DIAPH2: variants seen among roughly 807,000 people sequenced by gnomAD.
DIAPH2 encodes the protein protein diaphanous homolog 2.
DIAPH2 carries 35 observed loss-of-function variants against 92.7 expected under a neutral mutation model. The ratio of observed to expected loss-of-function variants is 0.38; its 90% CI spans 0.29 to 0.50. The LOEUF (loss-of-function observed/expected upper bound fraction) is 0.50, where lower values mean the gene tolerates loss of function less well. DIAPH2 is among the 20% of genes least tolerant of loss of function. The probability of loss-of-function intolerance (pLI) is 0.94; values close to 1 mark genes in which losing one functional copy is unlikely to be tolerated. For synonymous variants in DIAPH2, 301 were observed against 280.4 expected (o/e 1.07, Z -0.73); for missense variants, 701 against 819.5 (o/e 0.86, Z 1.77).
At chrX:97,259,222 G>A (rs1042804869) in intron 23 of DIAPH2, among the ~76,000 whole-genome samples, 5 of 109,929 alleles carry the variant, frequency 4.5e-5, no homozygotes, top group Non-Finnish European at 9.5e-5. Context: ...AGCTACTCAA[G>A]AGGCTGAGGC....
At chrX:97,526,650 A>G (rs2071026504) in intron 26 of DIAPH2, among the ~76,000 whole-genome samples, 1 of 111,266 alleles carries the variant, frequency 9.0e-6, no homozygotes, top group African/African-American at 3.3e-5. Flanking sequence ...CCTAAGTTCA[A>G]ACTCTGAGTC....
chrX:97,296,510 C>G (rs1033400713), intron 23 of DIAPH2, among the ~76,000 whole-genome samples: 1 of 111,651 alleles, frequency 9.0e-6, no homozygotes. Flanking sequence ...CTTGTTTTCC[C>G]TCTGAGATCT....
intron 4 of DIAPH2, among the ~76,000 whole-genome samples, chrX:96,770,593 A>G (rs999558823): frequency 2.7e-5 from 3 of 111,997 alleles, no homozygotes; most frequent in African/African-American, 9.7e-5. Context: ...TTGTATTCCA[A>G]TTTGATTTTT....
chrX:97,256,822 G>T (rs1156964214), intron 23 of DIAPH2, among the ~76,000 whole-genome samples: 2 of 110,834 alleles, frequency 1.8e-5, no homozygotes, highest in Non-Finnish European at 3.8e-5. Flanking sequence ...ATACCAACAT[G>T]CCTGGCTAAT....
At chrX:97,150,947 G>T (rs1356770600) in intron 22 of DIAPH2, among the ~76,000 whole-genome samples, 1 of 111,612 alleles carries the variant, frequency 9.0e-6, no homozygotes, top group African/African-American at 3.3e-5. Context: ...AAATTTTCTG[G>T]GTGCTTGGAG....
chrX:96,984,788 G>A (rs1158497379), intron 17 of DIAPH2, among the ~76,000 whole-genome samples: 3 of 111,717 alleles, frequency 2.7e-5, no homozygotes, highest in Non-Finnish European at 5.7e-5. Flanking sequence ...AAATTCAGCT[G>A]TTTATTTAAA....
chrX:97,562,065 A>G (rs754644685), intron 26 of DIAPH2, among the ~76,000 whole-genome samples: 3 of 112,079 alleles, frequency 2.7e-5, no homozygotes, highest in Non-Finnish European at 3.8e-5. Context: ...ATAAAACTGT[A>G]TAGTTACCTG....
intron 17 of DIAPH2, among the ~76,000 whole-genome samples, chrX:96,991,537 G>GTC (rs760118984): frequency 0.53 from 30,107 of 56,656 alleles, 4,575 homozygotes; most frequent in South Asian, 0.72. Flanking sequence ...CTGTTTTATG[G>GTC]TGTTTTTTTT....
At position 97,599,274 on chromosome X, in the gene DIAPH2, A is replaced by G. The variant is rs751243233; in HGVS notation, c.3263A>G (p.Glu1088Gly). The G allele has an allele frequency of 8.4e-7, 1 of 1,195,695 alleles. No individual in the cohort carries two copies. Among genetic ancestry groups the G allele is most frequent in the Non-Finnish European group, 1.1e-6 (1 of 884,652 alleles). Residue 1088 changes from glutamate (E) to glycine (G), a missense_variant, in exon 27 of 27, where the codon GAA becomes GGA. This residue lies in a region of DIAPH2 where 536 missense variants were observed against 599.3 expected (regional missense o/e 0.89). Transcript: ENST00000324765. ...ACAGATAACAGACGAGTACCTTTGG[A>G]AAGGTCACGCTCTCGCCACAATGGA... The part of the protein sequence containing the change: ...RNPDNRRVPL[E>G]RSRSRHNGAI...
intron 12 of DIAPH2, among the ~76,000 whole-genome samples, chrX:96,941,784 T>A (rs2065706275): frequency 9.1e-6 from 1 of 109,633 alleles, no homozygotes; most frequent in African/African-American, 3.3e-5. Context: ...CCCTGCAAAC[T>A]AGATTATGAA....
intron 22 of DIAPH2, among the ~76,000 whole-genome samples, chrX:97,214,836 TAAAAAAAA>T (rs368311868): frequency 1.6e-5 from 1 of 62,810 alleles, no homozygotes; most frequent in Non-Finnish European, 2.9e-5. Flanking sequence ...CGTCTCAAAT[TAAAAAAAA>T]AAAAAAAAAA....
chrX:96,818,026 G>A (rs1271004972), intron 4 of DIAPH2, among the ~76,000 whole-genome samples: 4 of 57,436 alleles, frequency 7.0e-5, no homozygotes, highest in African/African-American at 2.9e-4. Flanking sequence ...CTGTCGCCCA[G>A]GCTGGAGTGC....
intron 25 of DIAPH2, among the ~76,000 whole-genome samples, chrX:97,420,450 A>G (rs897146066): frequency 9.0e-6 from 1 of 111,480 alleles, no homozygotes; most frequent in Admixed American, 9.6e-5. Flanking sequence ...TCCATGGCAA[A>G]ATGTACCTAA....
At chrX:97,583,878 C>G (rs1029425557) in intron 26 of DIAPH2, among the ~76,000 whole-genome samples, 1 of 111,603 alleles carries the variant, frequency 9.0e-6, no homozygotes, top group African/African-American at 3.2e-5. Context: ...TCTCGTGGTG[C>G]GCCATTTTTT....
intron 22 of DIAPH2, among the ~76,000 whole-genome samples, chrX:97,212,799 A>T (rs1417415523): frequency 9.0e-6 from 1 of 110,754 alleles, no homozygotes; most frequent in Non-Finnish European, 1.9e-5. Context: ...AAATTGTTCT[A>T]TTTAGGGTGT....
At chrX:97,311,832 T>G (rs747454034) in intron 23 of DIAPH2, among the ~76,000 whole-genome samples, 1 of 110,829 alleles carries the variant, frequency 9.0e-6, no homozygotes, top group Non-Finnish European at 1.9e-5. Context: ...ATCATCTTTT[T>G]TTTTTGGGTG....
At chrX:96,873,879 G>A (rs1248784602) in intron 4 of DIAPH2, among the ~76,000 whole-genome samples, 1 of 110,795 alleles carries the variant, frequency 9.0e-6, no homozygotes. Flanking sequence ...TCTTAGAACT[G>A]CATGCATATT....
chrX:96,890,228 T>C (rs2065298112), intron 5 of DIAPH2, among the ~76,000 whole-genome samples: 1 of 111,804 alleles, frequency 8.9e-6, no homozygotes, highest in South Asian at 3.8e-4. Context: ...TGGTCCTCAG[T>C]TTCTTGATAT....
chrX:96,782,456 C>T lies in DIAPH2; in HGVS notation c.447+24198C>T, dbSNP rs893553373. 1.2e-4 allele frequency among the ~76,000 whole-genome samples: 13 copies of T among 112,208 alleles called. 1 individual carries two copies. The highest frequency in any genetic ancestry group is 3.6e-4 in the South Asian group (1 of 2,753). On this transcript the variant is annotated intron_variant, in intron 4 of 26. Transcript: ENST00000324765. ...GACTACAGGTGCTCACCACCACACC[C>T]GGCTAATTTTTTGTATTTTTTTAGT...
Sources: gnomAD v4.1 joint callset for allele counts (sites outside exome capture counted in the v4.1 genomes callset) on GRCh38, gnomAD v4.1.1 for gene constraint, gnomAD v4.1.1 regional missense constraint, MANE v1.5 for transcripts, NCBI Gene and HGNC (gene_info 2026-07-23, HGNC 2026-07-21) for gene names.